The following UFD1 variants were observed in gnomAD, a reference collection of about 807,000 sequenced individuals.
UFD1 encodes ubiquitin recognition factor in ER associated degradation 1, also known as ubiquitin recognition factor in ER-associated degradation protein 1.
A neutral mutation model predicts 45.9 loss-of-function variants in UFD1; 13 were observed. The ratio of observed to expected loss-of-function variants is 0.28; its 90% CI spans 0.18 to 0.45. The LOEUF is 0.45. UFD1 is among the 20% of genes least tolerant of loss of function. The pLI is 1.00. For missense variants in UFD1, 218 were observed against 389.2 expected, an observed-to-expected ratio of 0.56 and a Z score of 3.70; for synonymous variants, 128 against 139.2, an observed-to-expected ratio of 0.92 and a Z score of 0.56.
chr22:19,457,553 C>T (rs2089732276), intron 7 of UFD1, among the ~76,000 whole-genome samples: 1 of 152,166 alleles, frequency 6.6e-6, no homozygotes, highest in Non-Finnish European at 1.5e-5. Context: ...TGGCCCACAC[C>T]TGTAATCTCA....
chr22:19,478,877 A>T, intron 1 of UFD1: 1 of 604,512 alleles, frequency 1.7e-6, no homozygotes, highest in Non-Finnish European at 2.7e-6. Context: ...AATGCGAGCC[A>T]CGTTCAGGAC....
chr22:19,456,516 A>C, intron 9 of UFD1, 71 bp downstream of exon 9: 2 of 1,600,986 alleles, frequency 1.2e-6, no homozygotes, highest in Non-Finnish European at 1.7e-6. Context: ...CATGGAGAAC[A>C]CCTTGAGTGA....
At chr22:19,460,491 A>T (rs1201849637) in intron 6 of UFD1, among the ~76,000 whole-genome samples, 3 of 151,796 alleles carry the variant, frequency 2.0e-5, no homozygotes, top group African/African-American at 7.3e-5. Flanking sequence ...CTTTTTTTTT[A>T]AACTATGGGA....
chr22:19,476,452 G>A (rs1257834726), intron 1 of UFD1, among the ~76,000 whole-genome samples: 1 of 152,072 alleles, frequency 6.6e-6, no homozygotes, highest in African/African-American at 2.4e-5. Flanking sequence ...ACAGCAACAA[G>A]CAAAGCTAAA....
At chr22:19,467,242 G>C (rs1286009744) in intron 5 of UFD1, 2 of 150,928 alleles carry the variant, frequency 1.3e-5, no homozygotes, top group Non-Finnish European at 1.5e-5. Context: ...TGCCATGATC[G>C]TAACAGGAAA....
chr22:19,470,148 A>G (rs900018415), intron 4 of UFD1: 10 of 449,116 alleles, frequency 2.2e-5, no homozygotes, highest in East Asian at 7.0e-5. Context: ...CAAGGGGCTG[A>G]GCAGCAAATA....
chr22:19,462,579 A>T (rs576355541), intron 6 of UFD1, among the ~76,000 whole-genome samples: 25 of 152,128 alleles, frequency 1.6e-4, no homozygotes, highest in Middle Eastern at 6.3e-3. Flanking sequence ...ATGAGACAGG[A>T]GAATTGCTCG....
intron 6 of UFD1, among the ~76,000 whole-genome samples, chr22:19,460,463 T>C (rs1037693613): frequency 6.6e-6 from 1 of 152,238 alleles, no homozygotes; most frequent in African/African-American, 2.4e-5. Context: ...CTTTTATGTA[T>C]TGGCATAATA....
chr22:19,467,719 G>A (rs992207766), intron 5 of UFD1, 154 bp downstream of exon 5: 14 of 1,371,830 alleles, frequency 1.0e-5, no homozygotes, highest in Non-Finnish European at 1.4e-5. Flanking sequence ...CCACGCAGAT[G>A]TGCTAGCTGA....
At chr22:19,453,695 T>A in intron 11 of UFD1, 7 of 985,506 alleles carry the variant, frequency 7.1e-6, no homozygotes, top group Non-Finnish European at 8.4e-6. Flanking sequence ...AACTTGAACA[T>A]TGAGCCCAGA....
chr22:19,471,453 A>G, intron 4 of UFD1: 1 of 756,446 alleles, frequency 1.3e-6, no homozygotes, highest in Middle Eastern at 2.3e-4. Flanking sequence ...GCAACTATCA[A>G]AGAAAAGGCC....
At chr22:19,469,739 G>A (rs2089830089) in intron 4 of UFD1, among the ~76,000 whole-genome samples, 1 of 152,180 alleles carries the variant, frequency 6.6e-6, no homozygotes, top group African/African-American at 2.4e-5. Context: ...AGCAGATGGG[G>A]TATACCTGTC....
chr22:19,450,300 G>T lies in UFD1; in HGVS notation c.*370C>A, dbSNP rs1189463463. ...TGTAGGAAAAGAAAGGATAAATGAA[G>T]AAAAAGAAAGAACACTTCATGTTAG... is the stretch of plus-strand genomic sequence containing the variant. On this transcript the variant is annotated 3_prime_UTR_variant, in exon 12 of 12. Coordinates refer to ENST00000263202, the MANE Select transcript of UFD1 (RefSeq NM_005659.7). 1 of 180,198 alleles carries T rather than the reference G, an allele frequency of 5.5e-6. No individual in the cohort carries two copies. The highest frequency in any genetic ancestry group is 1.2e-5 in the Non-Finnish European group (1 of 84,940). 11.2% of individuals were successfully genotyped at this position (180,198 alleles called of 1,614,324 possible).
chr22:19,452,725 A>G (rs1020100716), intron 11 of UFD1: 1 of 152,308 alleles, frequency 6.6e-6, no homozygotes, highest in South Asian at 2.1e-4. Context: ...GGGTCTCCCT[A>G]TATTGCCCAG....
intron 11 of UFD1, chr22:19,454,046 G>A (rs73160290): frequency 0.055 from 53,753 of 985,614 alleles, 1,570 homozygotes; most frequent in Middle Eastern, 0.1. Context: ...CCTCTGTCCC[G>A]CCACCACCCT....
At position 19,454,004 on chromosome 22, in the gene UFD1, C is replaced by T. The variant is rs932777070; in HGVS notation, c.849+745G>A. 15 of 985,572 alleles carry T rather than the reference C, an allele frequency of 1.5e-5. No individual in the cohort carries two copies. The African/African-American group carries it at 2.4e-4, about 16-fold the overall frequency. 61.1% of individuals were successfully genotyped at this position (985,572 alleles called of 1,614,324 possible). On this transcript the variant is annotated intron_variant, in intron 11 of 11. Transcript: ENST00000263202. ...GGCCTGGCCATATTCCCACAAAGTG[C>T]CCATGTCTACAGGATGCTCAGCCCT...
At position 19,471,767 on chromosome 22, in the gene UFD1, T is replaced by C; in HGVS notation, c.211A>G (p.Asn71Asp). 1 of 1,614,160 alleles carries C rather than the reference T, an allele frequency of 6.2e-7. No individual in the cohort carries two copies. Among genetic ancestry groups the C allele is most frequent in the Non-Finnish European group, 8.5e-7 (1 of 1,180,038 alleles). The change falls in exon 4 of 12, where the codon AAT (asparagine) becomes GAT (aspartate). Residue 71 changes from asparagine to aspartate, a missense_variant. Asn to Asp is a conservative substitution (Grantham distance 23, BLOSUM62 1). Coordinates refer to ENST00000263202, the MANE Select transcript of UFD1 (RefSeq NM_005659.7). ...TGCGTCATGCGGTCCGAATTCTTAT[T>C]GGTCAGTTTGAACAGCATGGGATAG... ...ITYPMLFKLT[N>D]KNSDRMTHCG... is the part of the protein sequence containing the mutation.
At chr22:19,476,873 G>A (rs891543221) in intron 1 of UFD1, among the ~76,000 whole-genome samples, 3 of 151,718 alleles carry the variant, frequency 2.0e-5, no homozygotes, top group Non-Finnish European at 4.4e-5. Flanking sequence ...CGGGCGTGGT[G>A]GTACACGCCT....
chr22:19,451,817 A>C (rs1053191133), intron 11 of UFD1: 5 of 985,278 alleles, frequency 5.1e-6, no homozygotes, highest in Non-Finnish European at 6.0e-6. Context: ...CACAGCCTGC[A>C]TTGCATGGAG....
Sources: allele counts gnomAD v4.1 joint callset (sites outside exome capture counted in the v4.1 genomes callset), GRCh38; gene constraint gnomAD v4.1.1; transcripts MANE v1.5; gene names NCBI Gene and HGNC (gene_info 2026-07-23, HGNC 2026-07-21).